The following PRKCA variants were observed in gnomAD, a reference collection of about 807,000 sequenced individuals.
PRKCA encodes protein kinase C alpha, also known as protein kinase C alpha type.
A neutral mutation model predicts 87.0 loss-of-function variants in PRKCA; 27 were observed. The ratio of observed to expected loss-of-function variants is 0.31; its 90% confidence interval spans 0.23 to 0.43. PRKCA has a LOEUF of 0.43. PRKCA is among the 20% of genes least tolerant of loss of function. The probability of loss-of-function intolerance (pLI) is 1.00; values close to 1 mark genes in which losing one functional copy is unlikely to be tolerated. For missense variants in PRKCA, 518 were observed against 852.3 expected (o/e 0.61, Z 4.88); for synonymous variants, 329 against 311.1 (o/e 1.06, Z -0.61).
At chr17:66,379,975 CTG>C (rs1282133328) in intron 2 of PRKCA, among the ~76,000 whole-genome samples, 1 of 152,012 alleles carries the variant, frequency 6.6e-6, no homozygotes, top group African/African-American at 2.4e-5. Flanking sequence ...CTAAAATGGA[CTG>C]TGATACTCAG....
intron 2 of PRKCA, among the ~76,000 whole-genome samples, chr17:66,417,587 G>T (rs1002912160): frequency 4.6e-5 from 7 of 152,116 alleles, no homozygotes; most frequent in African/African-American, 1.7e-4. Context: ...TACCTGCAGA[G>T]AGCTCCTGCT....
chr17:66,593,405 GCT>G (rs1391669497), intron 3 of PRKCA, among the ~76,000 whole-genome samples: 1 of 152,160 alleles, frequency 6.6e-6, no homozygotes, highest in African/African-American at 2.4e-5. Context: ...AGGCACCAAA[GCT>G]CTGTGTCTTG....
intron 11 of PRKCA, among the ~76,000 whole-genome samples, chr17:66,740,891 T>C (rs1225667609): frequency 6.6e-6 from 1 of 152,218 alleles, no homozygotes; most frequent in African/African-American, 2.4e-5. Context: ...TGTACTCTTC[T>C]AGCCTTCAGA....
At chr17:66,539,311 A>C (rs751013769) in intron 3 of PRKCA, among the ~76,000 whole-genome samples, 5 of 152,236 alleles carry the variant, frequency 3.3e-5, no homozygotes, top group Non-Finnish European at 5.9e-5. Flanking sequence ...GCAGCACAGC[A>C]AGAAACAATA....
At chr17:66,759,517 GA>G (rs1974632727) in intron 13 of PRKCA, among the ~76,000 whole-genome samples, 1 of 145,194 alleles carries the variant, frequency 6.9e-6, no homozygotes, top group African/African-American at 2.6e-5. Flanking sequence ...GGCAGAAAAA[GA>G]GTGGGAGACA....
chr17:66,445,660 G>A (rs1451800962), intron 2 of PRKCA, among the ~76,000 whole-genome samples: 1 of 152,222 alleles, frequency 6.6e-6, no homozygotes, highest in East Asian at 1.9e-4. Flanking sequence ...CTTGCTGTGT[G>A]TCCTGGGCTG....
At chr17:66,303,264 C>A (rs564631784) in intron 1 of PRKCA, among the ~76,000 whole-genome samples, 3 of 152,206 alleles carry the variant, frequency 2.0e-5, no homozygotes, top group African/African-American at 4.8e-5. Flanking sequence ...TGGCCCCGTA[C>A]GGTGGCGAAG....
chr17:66,645,474 A>G lies in PRKCA; in HGVS notation c.492A>G (p.Leu164=), dbSNP rs756463027. 6.2e-7 allele frequency: 1 copy of G among 1,614,136 alleles called. No homozygotes were observed. Among genetic ancestry groups the G allele is most frequent in the Non-Finnish European group, 8.5e-7 (1 of 1,180,006 alleles). ...CTGAGAAGAGGGGGCGGATTTACCT[A>G]AAGGCTGAGGTTGCTGATGAAAAGC... The part of the protein sequence containing the change: ...DHTEKRGRIY[L]KAEVADEKLH... Residue 164 remains leucine (L), a synonymous_variant, in exon 5 of 17, where the codon CTA becomes CTG. Transcript: ENST00000413366.
chr17:66,543,007 A>G (rs1968035198), intron 3 of PRKCA, among the ~76,000 whole-genome samples: 1 of 152,196 alleles, frequency 6.6e-6, no homozygotes. Flanking sequence ...TAGGCATCCA[A>G]TTAAAGTTGA....
At chr17:66,478,758 G>C (rs777850375) in intron 2 of PRKCA, among the ~76,000 whole-genome samples, 1 of 50,652 alleles carries the variant, frequency 2.0e-5, no homozygotes, top group Non-Finnish European at 3.7e-5. Context: ...AGACAGCCCC[G>C]TATCACGTTG....
intron 5 of PRKCA, among the ~76,000 whole-genome samples, chr17:66,657,167 G>A (rs1971757383): frequency 6.6e-6 from 1 of 152,204 alleles, no homozygotes; most frequent in Non-Finnish European, 1.5e-5. Context: ...CCCACTGGAA[G>A]CTCTGCACAG....
intron 13 of PRKCA, among the ~76,000 whole-genome samples, chr17:66,759,093 G>A (rs185761640): frequency 1.8e-3 from 269 of 152,098 alleles, no homozygotes; most frequent in African/African-American, 6.2e-3. Flanking sequence ...GGTGGCTCAT[G>A]CCTGTAATCC....
At chr17:66,788,227 G>A (rs1975447583) in intron 15 of PRKCA, among the ~76,000 whole-genome samples, 1 of 152,176 alleles carries the variant, frequency 6.6e-6, no homozygotes, top group African/African-American at 2.4e-5. Flanking sequence ...TCATCCAAGA[G>A]CAAGGCACTT....
At chr17:66,445,593 A>G (rs1913990898) in intron 2 of PRKCA, among the ~76,000 whole-genome samples, 1 of 152,122 alleles carries the variant, frequency 6.6e-6, no homozygotes, top group Non-Finnish European at 1.5e-5. Context: ...TCGTGGCCTT[A>G]CTTGTGGCTA....
chr17:66,368,338 A>C (rs937966408), intron 2 of PRKCA, among the ~76,000 whole-genome samples: 1 of 106,886 alleles, frequency 9.4e-6, no homozygotes, highest in Admixed American at 1.3e-4. Context: ...GTGTGTATAT[A>C]TGTGTGTGTG....
At chr17:66,548,679 G>C (rs1156696472) in intron 3 of PRKCA, among the ~76,000 whole-genome samples, 1 of 152,100 alleles carries the variant, frequency 6.6e-6, no homozygotes, top group Non-Finnish European at 1.5e-5. Flanking sequence ...ATCTGCATGG[G>C]CCCTAAATGC....
chr17:66,436,183 G>C (rs181212809), intron 2 of PRKCA, among the ~76,000 whole-genome samples: 1 of 152,190 alleles, frequency 6.6e-6, no homozygotes, highest in Non-Finnish European at 1.5e-5. Context: ...AGAATCAAGA[G>C]GTTGGATGGC....
intron 3 of PRKCA, among the ~76,000 whole-genome samples, chr17:66,588,650 T>C (rs1208190511): frequency 7.2e-6 from 1 of 138,970 alleles, no homozygotes. Flanking sequence ...TTTTTTTTTT[T>C]TTTTTTTTTT....
chr17:66,741,536 T>G, intron 11 of PRKCA, 123 bp from the exon 12 acceptor site: 2 of 994,294 alleles, frequency 2.0e-6, no homozygotes, highest in Non-Finnish European at 3.1e-6. Context: ...AACACGATGC[T>G]GGTCTCTGAG....
Sources: allele counts gnomAD v4.1 joint callset (sites outside exome capture counted in the v4.1 genomes callset), GRCh38; gene constraint gnomAD v4.1.1; transcripts MANE v1.5; gene names NCBI Gene and HGNC (gene_info 2026-07-23, HGNC 2026-07-21).